Variants in NBAS observed in about 807,000 individuals in gnomAD.
NBAS encodes NBAS subunit of NRZ tethering complex.
A neutral mutation model predicts 302.5 loss-of-function variants in NBAS; 219 were observed. The ratio of observed to expected loss-of-function variants is 0.72; its 90% confidence interval spans 0.65 to 0.81. The LOEUF is 0.81. Ranked by LOEUF, NBAS falls within the 30% of genes least tolerant of loss-of-function variation. NBAS has a pLI of 0.00. For synonymous variants in NBAS, 1,118 were observed against 1,021.6 expected (o/e 1.09, Z -1.80); for missense variants, 2,932 against 2,841.6 (o/e 1.03, Z -0.72).
chr2:14,926,869 T>C, the NBAS span, among the ~76,000 whole-genome samples: 1 of 152,244 alleles, frequency 6.6e-6, no homozygotes, highest in Non-Finnish European at 1.5e-5. Context: ...TGGTTAATTG[T>C]ATGTGTCAAC....
At position 15,195,590 on chromosome 2, in the gene NBAS, G is replaced by A. The variant is rs1261982790; in HGVS notation, c.6433-5187C>T. On this transcript the variant is annotated intron_variant, in intron 48 of 51. Coordinates refer to ENST00000281513, the MANE Select transcript of NBAS (RefSeq NM_015909.4). ...ACAGACTCCACTCCCTTGACACCAG[G>A]AATGTTAGGTGACCATCAGGTGATG... Among the ~76,000 whole-genome samples, 9 of 152,226 alleles carry A rather than the reference G, an allele frequency of 5.9e-5. No individual in the cohort carries two copies. In the East Asian group the frequency reaches 1.5e-3, roughly 26 times the overall value.
chr2:15,352,198 G>C, intron 34 of NBAS, 117 bp from the exon 35 acceptor site: 2 of 729,820 alleles, frequency 2.7e-6, no homozygotes. Flanking sequence ...TTTTCATAAT[G>C]ATTAGTTTTG....
the NBAS span, among the ~76,000 whole-genome samples, chr2:14,821,728 A>G: frequency 6.6e-6 from 1 of 151,930 alleles, no homozygotes; most frequent in Non-Finnish European, 1.5e-5. Context: ...TACATCCAAA[A>G]TGGGCTGGGC....
the NBAS span, among the ~76,000 whole-genome samples, chr2:15,151,583 G>A: frequency 3.3e-5 from 5 of 152,214 alleles, no homozygotes; most frequent in African/African-American, 4.8e-5. Context: ...GAATGTGTAC[G>A]ATAGTTAACA....
the NBAS span, among the ~76,000 whole-genome samples, chr2:14,839,590 G>T: frequency 6.6e-6 from 1 of 152,058 alleles, no homozygotes; most frequent in African/African-American, 2.4e-5. Context: ...CCCTGGGCAA[G>T]AACTTCTAGC....
At chr2:14,850,958 A>C in the NBAS span, among the ~76,000 whole-genome samples, 1 of 138,390 alleles carries the variant, frequency 7.2e-6, no homozygotes, top group Non-Finnish European at 1.5e-5. Context: ...ATAGCACTAA[A>C]TGCCCACAAG....
the NBAS span, among the ~76,000 whole-genome samples, chr2:15,094,508 GA>G: frequency 6.6e-6 from 1 of 152,056 alleles, no homozygotes; most frequent in East Asian, 1.9e-4. Flanking sequence ...TATCATGGGG[GA>G]AAAAATATAA....
Position 15,316,792 on chromosome 2 carries a change from G to A in NBAS, c.4583-7545C>T, listed in dbSNP as rs555015086. On this transcript the variant is annotated intron_variant, in intron 38 of 51. Coordinates refer to ENST00000281513, the MANE Select transcript of NBAS (RefSeq NM_015909.4). ...GCCTCTACAGACTCCACATCCGTGG[G>A]CAGGGCACAGCTGAACAAAAGGCAG... Among the ~76,000 whole-genome samples, 94 of 152,344 alleles carry A rather than the reference G, an allele frequency of 6.2e-4. No homozygotes were observed. In the South Asian group the frequency reaches 0.019, roughly 30 times the overall value.
At chr2:15,274,306 T>C (rs1346697742) in intron 44 of NBAS, among the ~76,000 whole-genome samples, 1 of 152,214 alleles carries the variant, frequency 6.6e-6, no homozygotes, top group Middle Eastern at 3.2e-3. Flanking sequence ...TCCAAATGAA[T>C]GATTTGCAAT....
At chr2:15,306,404 C>T (rs973046202) in intron 40 of NBAS, among the ~76,000 whole-genome samples, 24 of 152,192 alleles carry the variant, frequency 1.6e-4, no homozygotes, top group Non-Finnish European at 7.3e-5. Context: ...ATGCCCAAAA[C>T]CAATATACAC....
chr2:14,947,545 T>C, the NBAS span, among the ~76,000 whole-genome samples: 5 of 152,052 alleles, frequency 3.3e-5, no homozygotes, highest in East Asian at 9.6e-4. Flanking sequence ...GTAGAGTCTT[T>C]AGGTTTTTCT....
chr2:15,439,052 T>C (rs569509036), intron 21 of NBAS, among the ~76,000 whole-genome samples: 1 of 151,948 alleles, frequency 6.6e-6, no homozygotes, highest in Non-Finnish European at 1.5e-5. Context: ...TCCCAGCACT[T>C]TGGGAGGCCG....
At chr2:14,813,800 C>A in the NBAS span, among the ~76,000 whole-genome samples, 2 of 152,202 alleles carry the variant, frequency 1.3e-5, no homozygotes, top group Non-Finnish European at 2.9e-5. Context: ...CAAATATCAA[C>A]AGCCAGGACA....
chr2:15,074,377 A>C, the NBAS span, among the ~76,000 whole-genome samples: 5 of 139,152 alleles, frequency 3.6e-5, no homozygotes, highest in East Asian at 1.2e-3. Flanking sequence ...AAGGATGGAA[A>C]GAAGGAAGGA....
intron 10 of NBAS, among the ~76,000 whole-genome samples, chr2:15,506,832 T>G (rs1412476312): frequency 6.6e-6 from 1 of 152,154 alleles, no homozygotes; most frequent in Non-Finnish European, 1.5e-5. Flanking sequence ...AAGCTGATTT[T>G]TGTATAAGCA....
chr2:15,539,043 A>T lies in NBAS; in HGVS notation c.513+180T>A, dbSNP rs1241445949. The stretch of plus-strand genomic sequence containing the variant: ...TTACATCTGGATAGTGTATTACAAA[A>T]TACAAGGAATAACTATTGCATGCAT... On this transcript the variant is annotated intron_variant, in intron 7 of 51. Transcript: ENST00000281513. Among the ~76,000 whole-genome samples the T allele has an allele frequency of 2.0e-5, 3 of 152,226 alleles. No individual in the cohort carries two copies. The East Asian group carries it at 5.8e-4, about 29-fold the overall frequency.
the NBAS span, among the ~76,000 whole-genome samples, chr2:15,058,441 A>G: frequency 6.6e-6 from 1 of 152,232 alleles, no homozygotes; most frequent in Non-Finnish European, 1.5e-5. Context: ...ATATCCACAA[A>G]TAAAAGTTTG....
At chr2:15,210,163 A>G (rs1275071610) in intron 48 of NBAS, among the ~76,000 whole-genome samples, 1 of 152,202 alleles carries the variant, frequency 6.6e-6, no homozygotes. Context: ...ACAACAAAGG[A>G]AACAATCAAC....
intron 21 of NBAS, among the ~76,000 whole-genome samples, chr2:15,430,539 T>G (rs867265190): frequency 6.6e-6 from 1 of 152,224 alleles, no homozygotes; most frequent in Non-Finnish European, 1.5e-5. Context: ...CCTATCAATC[T>G]AATGTAGTAG....
Sources: allele counts gnomAD v4.1 joint callset (sites outside exome capture counted in the v4.1 genomes callset), GRCh38; gene constraint gnomAD v4.1.1; transcripts MANE v1.5; gene names NCBI Gene and HGNC (gene_info 2026-07-23, HGNC 2026-07-21).